CES3: variants seen among roughly 807,000 people sequenced by gnomAD.
CES3 encodes carboxylesterase 3 (brain).
A neutral mutation model predicts 57.6 loss-of-function variants in CES3; 49 were observed. That is an observed-to-expected ratio of 0.85 (90% CI 0.68 to 1.08). CES3 has a LOEUF of 1.08. Among genes scored for constraint, CES3 ranks in the 50% least tolerant of loss-of-function variants. The pLI is 0.00. For synonymous variants in CES3, 266 were observed against 281.6 expected (o/e 0.94, Z 0.55); for missense variants, 645 against 742.0 (o/e 0.87, Z 1.52).
chr16:66,961,558 C>T (rs906569833), intron 1 of CES3, among the ~76,000 whole-genome samples, 169 bp downstream of exon 1: 12 of 152,074 alleles, frequency 7.9e-5, no homozygotes, highest in Admixed American at 5.9e-4. Flanking sequence ...GTATTTGTTT[C>T]GTTGTTTTTG....
chr16:66,971,906 C>T (rs955083617), intron 10 of CES3, among the ~76,000 whole-genome samples: 8 of 152,006 alleles, frequency 5.3e-5, no homozygotes, highest in East Asian at 1.9e-4. Flanking sequence ...TTGGGAGAAG[C>T]GGGAGGATCG....
chr16:66,971,120 T>C (rs1963824051), intron 9 of CES3, 52 bp from the exon 10 acceptor site: 1 of 1,556,056 alleles, frequency 6.4e-7, no homozygotes, highest in Non-Finnish European at 8.7e-7. Flanking sequence ...CCTGGGATGG[T>C]CTGCCACATC....
In CES3 at chr16:66,964,607, T is replaced by C. The variant is rs776409578; in HGVS notation, c.715-16T>C. ...GCCCTCCTCTGACAGCCACCTCCTC[T>C]CTCCAATGCACCCAGGTCCTGTCCC... On this transcript the variant is annotated splice_polypyrimidine_tract_variant and intron_variant, in intron 5 of 12. Transcript: ENST00000303334. The C allele has an allele frequency of 1.9e-6, 3 of 1,613,288 alleles. No individual in the cohort carries two copies. The East Asian group carries it at 6.7e-5, about 36-fold the overall frequency.
At chr16:66,962,056 A>G (rs1963657882) in intron 1 of CES3, among the ~76,000 whole-genome samples, 1 of 152,186 alleles carries the variant, frequency 6.6e-6, no homozygotes, top group Non-Finnish European at 1.5e-5. Flanking sequence ...AGCAGGGGGA[A>G]AATGTGGGCA....
chr16:66,970,871 T>A (rs1451417224), intron 9 of CES3, among the ~76,000 whole-genome samples: 2 of 152,230 alleles, frequency 1.3e-5, no homozygotes, highest in African/African-American at 4.8e-5. Flanking sequence ...ACCGAGCACC[T>A]GCTTCCAGGC....
chr16:66,972,987 C>T lies in CES3; in HGVS notation c.1654C>T (p.Pro552Ser), dbSNP rs1262300771. ...AWMQFWSETL[P>S]SKIQQWHQKQ... is the part of the protein sequence containing the mutation. ...GATGCAGTTCTGGTCAGAGACGCTC[C>T]CCAGCAAGATACAACAGTGGCACCA... The change falls in exon 13 of 13, where the codon CCC (proline) becomes TCC (serine). Residue 552 changes from proline (P) to serine (S), a missense_variant. By Grantham distance (74) the Pro-to-Ser change is moderately conservative. Transcript: ENST00000303334. The T allele has an allele frequency of 6.2e-7, 1 of 1,614,074 alleles. No homozygotes were observed. The highest frequency in any genetic ancestry group is 8.5e-7 in the Non-Finnish European group (1 of 1,180,032).
Position 66,973,360 on chromosome 16 carries a change from T to C in CES3, c.*311T>C, listed in dbSNP as rs978332083. The C allele has an allele frequency of 2.0e-5, 6 of 300,470 alleles. No individual in the cohort carries two copies. The allele number at this position is 300,470 out of a possible 1,614,324, so 18.6% of individuals were successfully genotyped here. A position where few individuals can be genotyped will look rare whatever the true frequency, so the allele number is the denominator to read the frequency against. On this transcript the variant is annotated 3_prime_UTR_variant, in exon 13 of 13. Coordinates refer to ENST00000303334, the MANE Select transcript of CES3 (RefSeq NM_024922.6). ...GAAGCCTTCCCTGCCTTCTCTGGGC[T>C]GTGCGGCCCCGAGTCTGCGTCCATT...
chr16:66,969,596 C>T lies in CES3; in HGVS notation c.1063-83C>T, dbSNP rs151231293. 5.9e-4 allele frequency: 803 copies of T among 1,364,696 alleles called. 6 individuals are homozygous for T. In the African/African-American group the frequency reaches 1.0e-2, roughly 17 times the overall value. The allele number at this position is 1,364,696 out of a possible 1,614,324, so 84.5% of individuals were successfully genotyped here. A position where few individuals can be genotyped will look rare whatever the true frequency, so the allele number is the denominator to read the frequency against. Reference sequence around the variant, plus strand: ...CATGATGAGTTTCTGGCCTCAGGACCGTGAACACTCTCTTGCCCAGGGCTG... The same window carrying T: ...CATGATGAGTTTCTGGCCTCAGGACTGTGAACACTCTCTTGCCCAGGGCTG... On this transcript the variant is annotated intron_variant, in intron 8 of 12. Transcript: ENST00000303334.
intron 11 of CES3, 62 bp from the exon 12 acceptor site, chr16:66,972,606 C>G: frequency 6.2e-7 from 1 of 1,612,560 alleles, no homozygotes; most frequent in Non-Finnish European, 8.5e-7. Context: ...CACTGAGGAT[C>G]CTTGGGTCCC....
rs375500170 is a variant in CES3 at position 66,963,281 on chromosome 16, G to T, written c.185G>T (p.Gly62Val). ...GTDRLVNVFL[G>V]IPFAQPPLGP... ...GACCGCCTTGTGAATGTCTTTCTGG[G>T]CATTCCATTTGCCCAGCCGCCACTG... Residue 62 changes from glycine (G) to valine (V), a missense_variant, in exon 2 of 13, where the codon GGC (glycine) becomes GTC (valine). By Grantham distance (109) the Gly-to-Val change is moderately radical (BLOSUM62 -3). Transcript: ENST00000303334. This position sits in a 1 kb window ranked among gnomAD's most constrained non-coding sequence, Gnocchi z 4.9. 6.2e-7 allele frequency: 1 copy of T among 1,613,774 alleles called. No individual in the cohort carries two copies. The highest frequency in any genetic ancestry group is 8.5e-7 in the Non-Finnish European group (1 of 1,180,032).
At chr16:66,966,123 G>A in intron 6 of CES3, 121 bp from the exon 7 acceptor site, 1 of 860,362 alleles carries the variant, frequency 1.2e-6, no homozygotes, top group Non-Finnish European at 1.8e-6. Context: ...CCAGTCTCGA[G>A]GCCGATCTGT....
intron 5 of CES3, 37 bp from the exon 6 acceptor site, chr16:66,964,583 CCCT>C (rs749918039): frequency 6.2e-7 from 1 of 1,611,912 alleles, no homozygotes; most frequent in African/African-American, 1.3e-5. Flanking sequence ...AGCTCCTCTG[CCCT>C]CCTCTGACAG....
chr16:66,974,297 A>C lies in CES3; in HGVS notation c.*1248A>C, dbSNP rs1039907463. On this transcript the variant is annotated 3_prime_UTR_variant, in exon 13 of 13. Coordinates refer to ENST00000303334, the MANE Select transcript of CES3 (RefSeq NM_024922.6). ...GTGCGGAGGGAGAGGGGCGGGCAGGAACCGGGGCTGCGCGCAGCGCTTGCG... is the reference window on the plus strand; with the variant it reads ...GTGCGGAGGGAGAGGGGCGGGCAGGCACCGGGGCTGCGCGCAGCGCTTGCG... 3.3e-5 allele frequency: 5 copies of C among 152,530 alleles called. No individual in the cohort carries two copies. The highest frequency in any genetic ancestry group is 1.2e-4 in the African/African-American group (5 of 41,438). 9.4% of individuals were successfully genotyped at this position (152,530 alleles called of 1,614,324 possible). A position where few individuals can be genotyped will look rare whatever the true frequency, so the allele number is the denominator to read the frequency against.
Position 66,972,582 on chromosome 16 carries a change from G to A in CES3, c.1441+77G>A, listed in dbSNP as rs529475645. ...GCCTGGGCAGGGCTTGCAGGAACAC[G>A]GGTCTCCAGTCAGCACTGAGGATCC... On this transcript the variant is annotated intron_variant, in intron 11 of 12. Transcript: ENST00000303334. The A allele has an allele frequency of 6.2e-5, 99 of 1,607,634 alleles. 4 individuals are homozygous for A. The South Asian group carries it at 8.5e-4, about 14-fold the overall frequency.
chr16:66,972,565 A>G, intron 11 of CES3, 60 bp downstream of exon 11: 1 of 1,606,328 alleles, frequency 6.2e-7, no homozygotes, highest in Non-Finnish European at 8.5e-7. Flanking sequence ...GGGCCTGGGC[A>G]GGGCTTGCAG....
At chr16:66,968,890 G>A (rs1963782888) in intron 8 of CES3, among the ~76,000 whole-genome samples, 1 of 152,080 alleles carries the variant, frequency 6.6e-6, no homozygotes, top group Admixed American at 6.6e-5. Context: ...CTCCAGCCTG[G>A]GTGACAGAGT....
At chr16:66,966,700 C>G in intron 7 of CES3, 25 bp from the exon 8 acceptor site, 1 of 1,613,510 alleles carries the variant, frequency 6.2e-7, no homozygotes, top group Non-Finnish European at 8.5e-7. Flanking sequence ...AACTTGGGAG[C>G]CTCCTGCATT....
chr16:66,962,182 G>T (rs1300219146), intron 1 of CES3, among the ~76,000 whole-genome samples: 1 of 152,198 alleles, frequency 6.6e-6, no homozygotes, highest in Non-Finnish European at 1.5e-5. Context: ...CTGGTACCCG[G>T]CTCTGTGGTG....
At chr16:66,970,408 G>A (rs1963812641) in intron 9 of CES3, among the ~76,000 whole-genome samples, 2 of 152,132 alleles carry the variant, frequency 1.3e-5, no homozygotes, top group Admixed American at 1.3e-4. Flanking sequence ...CGCGCCCGGC[G>A]CTGCAACTCT....
Sources: allele counts gnomAD v4.1 joint callset (sites outside exome capture counted in the v4.1 genomes callset), GRCh38; gene constraint gnomAD v4.1.1; non-coding constraint Gnocchi (gnomAD v3.1); transcripts MANE v1.5; gene names NCBI Gene and HGNC (gene_info 2026-07-23, HGNC 2026-07-21).